The following RBFOX1 variants were observed in gnomAD, a reference collection of about 807,000 sequenced individuals.
The protein encoded by RBFOX1 is RNA binding protein fox-1 homolog 1.
RBFOX1 carries 8 observed loss-of-function variants against 57.7 expected under a neutral mutation model. The observed-to-expected ratio is 0.14, with a 90% CI of 0.08 to 0.25. RBFOX1 has a LOEUF of 0.25. RBFOX1 is among the 10% of genes least tolerant of loss of function. The pLI is 1.00. For synonymous variants in RBFOX1, 326 were observed against 222.4 expected (o/e 1.47, Z -4.15); for missense variants, 611 against 548.5 (o/e 1.11, Z -1.14).
intron 3 of RBFOX1, among the ~76,000 whole-genome samples, chr16:6,924,951 C>G (rs1404651964): frequency 6.7e-6 from 1 of 150,128 alleles, no homozygotes; most frequent in Non-Finnish European, 1.5e-5. Flanking sequence ...GGTTTTTTGC[C>G]CTTGCGATAG....
At chr16:6,968,751 C>G (rs774838653) in intron 3 of RBFOX1, among the ~76,000 whole-genome samples, 5 of 152,230 alleles carry the variant, frequency 3.3e-5, no homozygotes, top group Non-Finnish European at 5.9e-5. Context: ...TCTCCCTCCT[C>G]TTTGCCTAGT....
At position 6,842,652 on chromosome 16, in the gene RBFOX1, CT is replaced by C. The variant is rs5815350; in HGVS notation, c.-16+188015del. 2.4e-3 allele frequency among the ~76,000 whole-genome samples: 339 copies of C among 141,806 alleles called. 1 individual carries two copies. The highest frequency in any genetic ancestry group is 3.4e-3 in the South Asian group (15 of 4,424). The allele number at this position is 141,806 out of a possible 152,430, so 93.0% of individuals were successfully genotyped here. A position where few individuals can be genotyped will look rare whatever the true frequency, so the allele number is the denominator to read the frequency against. On this transcript the variant is annotated intron_variant, in intron 3 of 15. Transcript: ENST00000550418. ...AGACTGTTTTTTTTAAATCTATTTG[CT>C]TTTTTTTTTTTTAATTTTACTTCAA...
chr16:6,389,593 T>C (rs1309665860), intron 2 of RBFOX1, among the ~76,000 whole-genome samples: 1 of 152,186 alleles, frequency 6.6e-6, no homozygotes, highest in Non-Finnish European at 1.5e-5. Flanking sequence ...TAATCTTGGA[T>C]GTCTCTACCT....
chr16:7,456,668 T>C (rs1029722820), intron 4 of RBFOX1, among the ~76,000 whole-genome samples: 2 of 152,180 alleles, frequency 1.3e-5, no homozygotes, highest in African/African-American at 4.8e-5. Context: ...TGCCTCAGCA[T>C]CACCCAACGG....
chr16:6,646,422 G>A (rs763374989), intron 2 of RBFOX1, among the ~76,000 whole-genome samples: 1 of 152,028 alleles, frequency 6.6e-6, no homozygotes. Context: ...AATAATCTTA[G>A]GGAAATGGCG....
At chr16:6,040,956 C>T (rs1477341914) in intron 1 of RBFOX1, among the ~76,000 whole-genome samples, 3 of 152,138 alleles carry the variant, frequency 2.0e-5, no homozygotes, top group Non-Finnish European at 2.9e-5. Context: ...ATCCATTCAT[C>T]TTTTGATGGG....
At chr16:7,004,126 T>G (rs1456384944) in intron 3 of RBFOX1, 10 of 152,112 alleles carry the variant, frequency 6.6e-5, no homozygotes, top group Non-Finnish European at 8.8e-5. Context: ...AAATCAGTTT[T>G]GTTTTGTACT....
At chr16:6,858,186 G>A (rs1319803660) in intron 3 of RBFOX1, among the ~76,000 whole-genome samples, 1 of 152,178 alleles carries the variant, frequency 6.6e-6, no homozygotes, top group Non-Finnish European at 1.5e-5. Context: ...TCACTCATAA[G>A]TGTCCTTTTC....
At chr16:7,438,817 C>A (rs2098742792) in intron 4 of RBFOX1, among the ~76,000 whole-genome samples, 1 of 152,188 alleles carries the variant, frequency 6.6e-6, no homozygotes, top group South Asian at 2.1e-4. Context: ...CCAGGCCCAA[C>A]CTAGACTTTC....
intron 4 of RBFOX1, among the ~76,000 whole-genome samples, chr16:6,006,641 C>G (rs1443255610): frequency 6.6e-6 from 1 of 152,180 alleles, no homozygotes; most frequent in Admixed American, 6.5e-5. Flanking sequence ...TCAGCTTCAA[C>G]TAGTTTGAGT....
intron 2 of RBFOX1, among the ~76,000 whole-genome samples, chr16:6,548,813 C>T (rs1289926835): frequency 2.0e-5 from 3 of 152,068 alleles, no homozygotes; most frequent in South Asian, 2.1e-4. Flanking sequence ...CAGTGGCTTG[C>T]GCCTGTAATC....
chr16:5,839,023 G>T (rs531399086), intron 3 of RBFOX1, among the ~76,000 whole-genome samples: 1 of 152,118 alleles, frequency 6.6e-6, no homozygotes, highest in Admixed American at 6.5e-5. Flanking sequence ...AGTGCTCCTG[G>T]CATATAGAGT....
At chr16:7,072,451 C>T (rs940207311) in intron 4 of RBFOX1, among the ~76,000 whole-genome samples, 4 of 152,132 alleles carry the variant, frequency 2.6e-5, no homozygotes, top group Non-Finnish European at 4.4e-5. Context: ...TAAGAGAATG[C>T]TTATTTTGTT....
intron 4 of RBFOX1, among the ~76,000 whole-genome samples, chr16:5,970,080 C>G (rs1317748129): frequency 6.6e-6 from 1 of 152,108 alleles, no homozygotes; most frequent in Non-Finnish European, 1.5e-5. Context: ...GCCTCTTGGT[C>G]ACGATGGGTG....
chr16:5,949,811 A>T (rs950068159), intron 4 of RBFOX1, among the ~76,000 whole-genome samples: 5 of 152,178 alleles, frequency 3.3e-5, no homozygotes, highest in Non-Finnish European at 7.3e-5. Flanking sequence ...ATTGAATCAG[A>T]AACTCTGGAA....
At chr16:6,219,717 A>C (rs1440594376) in intron 1 of RBFOX1, among the ~76,000 whole-genome samples, 1 of 152,118 alleles carries the variant, frequency 6.6e-6, no homozygotes, top group Non-Finnish European at 1.5e-5. Flanking sequence ...TCTACTAAAA[A>C]TAGAAAAAAT....
At chr16:7,329,142 C>T (rs1180628780) in intron 4 of RBFOX1, among the ~76,000 whole-genome samples, 1 of 152,152 alleles carries the variant, frequency 6.6e-6, no homozygotes, top group Non-Finnish European at 1.5e-5. Context: ...TTCTGCAACA[C>T]CTAAAATATT....
At chr16:7,341,251 G>A (rs954668467) in intron 4 of RBFOX1, among the ~76,000 whole-genome samples, 19 of 152,154 alleles carry the variant, frequency 1.2e-4, no homozygotes, top group African/African-American at 4.3e-4. Flanking sequence ...ATACTCTGAA[G>A]GTCTTTTCCT....
chr16:5,868,998 A>G (rs945914892), intron 4 of RBFOX1, among the ~76,000 whole-genome samples: 5 of 152,190 alleles, frequency 3.3e-5, no homozygotes, highest in Non-Finnish European at 7.3e-5. Context: ...TGTATAGGCT[A>G]TGATGATCCC....
Sources: allele counts gnomAD v4.1 joint callset (sites outside exome capture counted in the v4.1 genomes callset), GRCh38; gene constraint gnomAD v4.1.1; transcripts MANE v1.5; gene names NCBI Gene and HGNC (gene_info 2026-07-23, HGNC 2026-07-21).